Variants in PYGB observed in about 807,000 individuals in gnomAD.
The protein encoded by PYGB is glycogen phosphorylase, brain form.
Under a neutral mutation model 94.3 loss-of-function variants are expected in PYGB, and 82 were observed. The ratio of observed to expected loss-of-function variants is 0.87; its 90% confidence interval spans 0.73 to 1.04. The LOEUF is 1.04. Ranked by LOEUF, PYGB falls within the 50% of genes least tolerant of loss-of-function variation. The pLI is 0.00. For synonymous variants in PYGB, 488 were observed against 479.1 expected (o/e 1.02, Z -0.24); for missense variants, 1,132 against 1,158.2 (o/e 0.98, Z 0.33).
chr20:25,282,173 TG>T, intron 12 of PYGB, 26 bp downstream of exon 12: 1 of 1,563,810 alleles, frequency 6.4e-7, no homozygotes, highest in South Asian at 1.1e-5. Context: ...CACCCGTGCC[TG>T]TGGAGATGCC....
At chr20:25,293,655 G>T (rs1480697961) in intron 17 of PYGB, among the ~76,000 whole-genome samples, 1 of 152,176 alleles carries the variant, frequency 6.6e-6, no homozygotes, top group Non-Finnish European at 1.5e-5. Context: ...CCCGGGCCCC[G>T]TCCTGGGATG....
intron 1 of PYGB, among the ~76,000 whole-genome samples, chr20:25,258,486 G>T (rs763138810): frequency 2.6e-5 from 4 of 152,242 alleles, no homozygotes; most frequent in Non-Finnish European, 5.9e-5. Context: ...CACATATCCT[G>T]TTAGTCCTTG....
rs2088244629 is a variant in PYGB, at chr20:25,269,208, G to A, written c.424+1G>A. ...AATGGAGGCCTGGGGAGGCTGGCAGGTAAGTTGCCCCATCCAGGAGGAGCT... is the reference window on the plus strand; with the variant it reads ...AATGGAGGCCTGGGGAGGCTGGCAGATAAGTTGCCCCATCCAGGAGGAGCT... On this transcript the variant is annotated splice_donor_variant, in intron 3 of 19. Coordinates refer to ENST00000216962, the MANE Select transcript of PYGB (RefSeq NM_002862.4). LOFTEE classifies it high-confidence loss of function. 3 of 1,575,824 alleles carry A rather than the reference G, an allele frequency of 1.9e-6. No individual in the cohort carries two copies. Among genetic ancestry groups the A allele is most frequent in the Non-Finnish European group, 1.7e-6 (2 of 1,146,098 alleles).
chr20:25,249,621 A>G (rs1281621966), intron 1 of PYGB, among the ~76,000 whole-genome samples: 1 of 152,218 alleles, frequency 6.6e-6, no homozygotes, highest in Non-Finnish European at 1.5e-5. Context: ...GCTTTTCCAA[A>G]CTTATTCTGG....
chr20:25,267,632 G>A (rs1276551631), intron 2 of PYGB, among the ~76,000 whole-genome samples: 1 of 152,144 alleles, frequency 6.6e-6, no homozygotes, highest in Non-Finnish European at 1.5e-5. Context: ...CCGGGCTCAA[G>A]CCATCCTTCC....
At chr20:25,259,743 T>C (rs1347263891) in intron 2 of PYGB, among the ~76,000 whole-genome samples, 1 of 152,170 alleles carries the variant, frequency 6.6e-6, no homozygotes, top group African/African-American at 2.4e-5. Flanking sequence ...TCACCCTAGT[T>C]GTCTAGTTGT....
intron 7 of PYGB, among the ~76,000 whole-genome samples, chr20:25,277,981 A>C (rs2088328679): frequency 6.6e-6 from 1 of 152,236 alleles, no homozygotes; most frequent in Non-Finnish European, 1.5e-5. Context: ...CGGAAGGCTC[A>C]TCAAAGAGTG....
Position 25,252,274 on chromosome 20 carries a change from G to A in PYGB, c.243+3853G>A, listed in dbSNP as rs551353593. On this transcript the variant is annotated intron_variant, in intron 1 of 19. Coordinates refer to ENST00000216962, the MANE Select transcript of PYGB (RefSeq NM_002862.4). ...GTGCCTTCATTTTCTGCAGAAGACA[G>A]CCTGGCCTCTGCCCTTGCAGGCTGT... Among the ~76,000 whole-genome samples, 10 of 152,368 alleles carry A rather than the reference G, an allele frequency of 6.6e-5. No homozygotes were observed. The East Asian group carries it at 1.5e-3, about 24-fold the overall frequency.
At chr20:25,263,404 C>G (rs1363102773) in intron 2 of PYGB, among the ~76,000 whole-genome samples, 2 of 152,126 alleles carry the variant, frequency 1.3e-5, no homozygotes, top group African/African-American at 4.8e-5. Flanking sequence ...CATTCAAAAG[C>G]TAGCAGAAGG....
At chr20:25,293,129 G>C (rs1376370622) in intron 17 of PYGB, among the ~76,000 whole-genome samples, 1 of 3,140 alleles carries the variant, frequency 3.2e-4, no homozygotes, top group Non-Finnish European at 6.4e-4. Context: ...GCCAGGGTCG[G>C]GGGGGGTGGG....
chr20:25,282,960 T>G (rs1310041162), intron 12 of PYGB, among the ~76,000 whole-genome samples: 5 of 152,016 alleles, frequency 3.3e-5, no homozygotes, highest in Admixed American at 2.6e-4. Flanking sequence ...TTTGAACTGG[T>G]GGGACTGGGC....
rs559379219 is a variant in PYGB, at chr20:25,255,764, G to A, written c.244-3473G>A. On this transcript the variant is annotated intron_variant, in intron 1 of 19. Coordinates refer to ENST00000216962, the MANE Select transcript of PYGB (RefSeq NM_002862.4). ...TTTTTTTTTTTTGAGGTGGAGTTTT[G>A]CTCTTGTTGCCCAGGCTGGAGTGCA... is the stretch of plus-strand genomic sequence containing the variant. Among the ~76,000 whole-genome samples, 8 of 149,460 alleles carry A rather than the reference G, an allele frequency of 5.4e-5. No homozygotes were observed. In the South Asian group the frequency reaches 6.3e-4, roughly 12 times the overall value.
rs1337242426 is a variant in PYGB, at chr20:25,248,433, C to A, written c.243+12C>A. On this transcript the variant is annotated intron_variant, in intron 1 of 19. Transcript: ENST00000216962. ...AGCGCGACCCCAAGGTGAGGCGCTG[C>A]CCCGCCCTGTGCGCCCGTGCCCGCT... The A allele has an allele frequency of 4.9e-6, 7 of 1,434,576 alleles. No homozygotes were observed. Among genetic ancestry groups the A allele is most frequent in the African/African-American group, 1.5e-5 (1 of 68,430 alleles). The allele number at this position is 1,434,576 out of a possible 1,614,324, so 88.9% of individuals were successfully genotyped here.
At chr20:25,268,737 A>G (rs147747687) in intron 2 of PYGB, among the ~76,000 whole-genome samples, 26 of 152,358 alleles carry the variant, frequency 1.7e-4, no homozygotes, top group African/African-American at 6.3e-4. Flanking sequence ...AATTTTTAGC[A>G]TAACGTATCT....
chr20:25,278,336 G>A lies in PYGB; in HGVS notation c.873G>A (p.Glu291=). The A allele has an allele frequency of 6.3e-7, 1 of 1,586,456 alleles. No homozygotes were observed. Among genetic ancestry groups the A allele is most frequent in the Non-Finnish European group, 8.5e-7 (1 of 1,170,626 alleles). ...GTGTGCAGTTCTTTGAGGGGAAGGA[G>A]CTGCGGCTGAAGCAGGAGTACTTCG... ...YPNDNFFEGK[E]LRLKQEYFVV... is the part of the protein sequence containing the mutation. The change falls in exon 8 of 20, where the codon GAG becomes GAA. Residue 291 remains glutamate (E), a synonymous_variant. Coordinates refer to ENST00000216962, the MANE Select transcript of PYGB (RefSeq NM_002862.4).
At chr20:25,294,428 G>C in intron 18 of PYGB, 136 bp downstream of exon 18, 1 of 1,147,454 alleles carries the variant, frequency 8.7e-7, no homozygotes. Context: ...GTGCCCATGA[G>C]ACCTTACTGG....
chr20:25,248,615 G>A (rs1330666912), intron 1 of PYGB, among the ~76,000 whole-genome samples, 194 bp downstream of exon 1: 2 of 151,996 alleles, frequency 1.3e-5, no homozygotes, highest in Non-Finnish European at 2.9e-5. Flanking sequence ...CCCTGCGCAG[G>A]GCCGCGGCCA....
rs1244997899 is a variant in PYGB at position 25,281,198 on chromosome 20, A to G, written c.1403+86A>G. On this transcript the variant is annotated intron_variant, in intron 11 of 19. Coordinates refer to ENST00000216962, the MANE Select transcript of PYGB (RefSeq NM_002862.4). ...GACCATCCACCAAACACATGGACCC[A>G]GCTATATAGCATACAACCTGTGCCA... 4 of 1,516,924 alleles carry G rather than the reference A, an allele frequency of 2.6e-6. No individual in the cohort carries two copies. In the East Asian group the frequency reaches 9.1e-5, roughly 34 times the overall value. 94.0% of individuals were successfully genotyped at this position (1,516,924 alleles called of 1,614,324 possible). A position where few individuals can be genotyped will look rare whatever the true frequency, so the allele number is the denominator to read the frequency against.
chr20:25,253,024 A>G (rs2092892657), intron 1 of PYGB, among the ~76,000 whole-genome samples: 1 of 152,246 alleles, frequency 6.6e-6, no homozygotes, highest in African/African-American at 2.4e-5. Flanking sequence ...AACAAAAGAC[A>G]CTTCTTTCAT....
Sources: allele counts gnomAD v4.1 joint callset (sites outside exome capture counted in the v4.1 genomes callset), GRCh38; gene constraint gnomAD v4.1.1; transcripts MANE v1.5; gene names NCBI Gene and HGNC (gene_info 2026-07-23, HGNC 2026-07-21).